The following PATJ variants were observed in gnomAD, a reference collection of about 807,000 sequenced individuals.
PATJ encodes inaD-like protein.
A neutral mutation model predicts 224.9 loss-of-function variants in PATJ; 190 were observed. That is an observed-to-expected ratio of 0.84 (90% CI 0.75 to 0.95). The LOEUF (loss-of-function observed/expected upper bound fraction) is 0.95, where lower values mean the gene tolerates loss of function less well. PATJ is among the 40% of genes least tolerant of loss of function. PATJ has a pLI of 0.00. For synonymous variants in PATJ, 769 were observed against 820.3 expected, an observed-to-expected ratio of 0.94 and a Z score of 1.07; for missense variants, 2,121 against 2,270.3, an observed-to-expected ratio of 0.93 and a Z score of 1.34.
chr1:61,869,254 C>T (rs1040724338), intron 20 of PATJ, among the ~76,000 whole-genome samples: 4 of 150,396 alleles, frequency 2.7e-5, no homozygotes, highest in African/African-American at 7.4e-5. Context: ...CTACAGGCGC[C>T]CGCCACTACG....
At chr1:61,961,971 G>GA (rs371746015) in intron 27 of PATJ, among the ~76,000 whole-genome samples, 57,262 of 113,098 alleles carry the variant, frequency 0.51, 13,504 homozygotes, top group East Asian at 0.83. Flanking sequence ...CTCCGTCTTA[G>GA]AAAAAAAAAA....
intron 8 of PATJ, 92 bp from the exon 9 acceptor site, chr1:61,791,256 A>T: frequency 1.5e-6 from 1 of 686,168 alleles, no homozygotes; most frequent in East Asian, 2.8e-5. Flanking sequence ...CATAGATGCT[A>T]AGAAAATACT....
Position 62,024,736 on chromosome 1 carries a change from T to G in PATJ, c.3959+6789T>G, listed in dbSNP as rs527906585. ...CACACAGTGAAACAATACATCTAGA[T>G]GCCTGTCTCCCTCTGTGGAAGGTGA... On this transcript the variant is annotated intron_variant, in intron 29 of 43. Coordinates refer to ENST00000642238, the MANE Select transcript of PATJ (RefSeq NM_001350145.3). 6.0e-5 allele frequency among the ~76,000 whole-genome samples: 9 copies of G among 151,042 alleles called. No homozygotes were observed. In the East Asian group the frequency reaches 1.6e-3, roughly 26 times the overall value.
In PATJ at chr1:61,833,718, C is replaced by A; in HGVS notation, c.2045C>A (p.Pro682His). The change falls in exon 17 of 44, where the codon CCT becomes CAT. Residue 682 changes from proline (P) to histidine (H), a missense_variant. By Grantham distance (77) the Pro-to-His change is moderately conservative. Coordinates refer to ENST00000642238, the MANE Select transcript of PATJ (RefSeq NM_001350145.3). The stretch of plus-strand genomic sequence containing the variant: ...GATGGGGAATTAGCACTGTGGTCCC[C>A]TGAAGTCAAGATTGTTGAACTAGTA... ...DDDGELALWS[P>H]EVKIVELVKD... The A allele has an allele frequency of 6.2e-7, 1 of 1,613,590 alleles. No individual in the cohort carries two copies. Among genetic ancestry groups the A allele is most frequent in the Non-Finnish European group, 8.5e-7 (1 of 1,179,648 alleles).
At position 61,811,470 on chromosome 1, in the gene PATJ, AG is replaced by A. The variant is rs1654752973; in HGVS notation, c.1683+2941del. ...GTCTCGAACTCCTGCCCTCAGGTGA[AG>A]CCTTGGCCTCCTAAAGTGCTGGGAT... is the stretch of plus-strand genomic sequence containing the variant. On this transcript the variant is annotated intron_variant, in intron 14 of 43. Coordinates refer to ENST00000642238, the MANE Select transcript of PATJ (RefSeq NM_001350145.3). 3.3e-5 allele frequency among the ~76,000 whole-genome samples: 5 copies of A among 151,788 alleles called. No homozygotes were observed. In the South Asian group the frequency reaches 1.0e-3, roughly 31 times the overall value.
intron 30 of PATJ, among the ~76,000 whole-genome samples, chr1:62,050,479 G>T (rs1354720784): frequency 6.6e-6 from 1 of 152,192 alleles, no homozygotes; most frequent in Non-Finnish European, 1.5e-5. Context: ...CCTAAGGCTG[G>T]TTCCCTCATT....
chr1:61,930,877 T>C (rs1286044276), intron 27 of PATJ, among the ~76,000 whole-genome samples: 1 of 152,200 alleles, frequency 6.6e-6, no homozygotes, highest in East Asian at 1.9e-4. Flanking sequence ...ATTTTGTATT[T>C]TTAGTAGAGA....
At chr1:61,927,677 AAG>A in intron 26 of PATJ, 51 bp from the exon 27 acceptor site, 1 of 1,105,606 alleles carries the variant, frequency 9.0e-7, no homozygotes, top group South Asian at 1.4e-5. Context: ...TCATTGAAGA[AAG>A]AGCATTGTAC....
At chr1:61,837,122 A>C (rs577246871) in intron 17 of PATJ, among the ~76,000 whole-genome samples, 1 of 152,238 alleles carries the variant, frequency 6.6e-6, no homozygotes, top group Non-Finnish European at 1.5e-5. Flanking sequence ...GTACCTCCAA[A>C]TTTATAAAAT....
intron 26 of PATJ, among the ~76,000 whole-genome samples, chr1:61,920,474 G>C (rs1165044080): frequency 6.6e-6 from 1 of 152,034 alleles, no homozygotes. Context: ...TGATTATGAG[G>C]CCTCTCCTGC....
intron 19 of PATJ, 23 bp downstream of exon 19, chr1:61,861,690 A>G (rs371809185): frequency 3.9e-6 from 4 of 1,018,332 alleles, no homozygotes; most frequent in Non-Finnish European, 5.6e-6. Flanking sequence ...TTTATTTCCC[A>G]TTTGAATGAT....
intron 1 of PATJ, among the ~76,000 whole-genome samples, chr1:61,743,029 T>A (rs897468680): frequency 6.6e-6 from 1 of 151,930 alleles, no homozygotes; most frequent in Non-Finnish European, 1.5e-5. Flanking sequence ...TTTCCCTCCA[T>A]CGGTGGCCGT....
chr1:62,127,113 A>G (rs1328895358), intron 39 of PATJ, among the ~76,000 whole-genome samples: 1 of 152,194 alleles, frequency 6.6e-6, no homozygotes. Context: ...GCCATAGTAG[A>G]CTATGTGCAT....
chr1:61,792,545 T>G (rs1650104036), intron 9 of PATJ, among the ~76,000 whole-genome samples: 1 of 152,118 alleles, frequency 6.6e-6, no homozygotes, highest in African/African-American at 2.4e-5. Flanking sequence ...TTTTGTTTTT[T>G]TTTTGAGATG....
chr1:62,058,403 G>A (rs563273607), intron 31 of PATJ, among the ~76,000 whole-genome samples: 16 of 152,192 alleles, frequency 1.1e-4, no homozygotes, highest in South Asian at 2.1e-4. Context: ...ATTAAACAGC[G>A]TCACGTGTTA....
intron 27 of PATJ, among the ~76,000 whole-genome samples, chr1:61,940,439 G>A (rs973160490): frequency 6.6e-6 from 1 of 152,020 alleles, no homozygotes; most frequent in Admixed American, 6.6e-5. Context: ...AATTCTAGCC[G>A]GGCGCAGTGG....
At chr1:61,842,632 G>A (rs1294935900) in intron 17 of PATJ, among the ~76,000 whole-genome samples, 1 of 151,946 alleles carries the variant, frequency 6.6e-6, no homozygotes, top group Admixed American at 6.6e-5. Context: ...TGGCCATAAA[G>A]GTGCTCAGAT....
chr1:62,135,289 G>GCA (rs1666709640), intron 41 of PATJ, among the ~76,000 whole-genome samples: 1 of 152,032 alleles, frequency 6.6e-6, no homozygotes, highest in Admixed American at 6.6e-5. Flanking sequence ...GGCCGAGGTG[G>GCA]GGGGGATCGC....
intron 27 of PATJ, among the ~76,000 whole-genome samples, chr1:61,942,093 A>G (rs961158004): frequency 3.3e-5 from 5 of 152,208 alleles, no homozygotes; most frequent in African/African-American, 4.8e-5. Flanking sequence ...AGCAGTTTTT[A>G]ACCAAATTCT....
Sources: allele counts gnomAD v4.1 joint callset (sites outside exome capture counted in the v4.1 genomes callset), GRCh38; gene constraint gnomAD v4.1.1; transcripts MANE v1.5; gene names NCBI Gene and HGNC (gene_info 2026-07-23, HGNC 2026-07-21).